Variants in PRKAG2 observed in about 807,000 individuals in gnomAD.
PRKAG2 encodes protein kinase AMP-activated non-catalytic subunit gamma 2.
A neutral mutation model predicts 69.6 loss-of-function variants in PRKAG2; 26 were observed. That is an observed-to-expected ratio of 0.37 (90% confidence interval 0.27 to 0.52). The LOEUF (loss-of-function observed/expected upper bound fraction) is 0.52, where lower values mean the gene tolerates loss of function less well. PRKAG2 is among the 20% of genes least tolerant of loss of function. The pLI is 0.90. For missense variants in PRKAG2, 557 were observed against 740.0 expected, an observed-to-expected ratio of 0.75 and a Z score of 2.87; for synonymous variants, 293 against 285.0, an observed-to-expected ratio of 1.03 and a Z score of -0.28.
At chr7:151,634,697 A>G (rs191879266) in intron 4 of PRKAG2, among the ~76,000 whole-genome samples, 2 of 152,388 alleles carry the variant, frequency 1.3e-5, no homozygotes, top group East Asian at 3.9e-4. Flanking sequence ...ATTAGAACAT[A>G]GGCAAATGAC....
At chr7:151,694,382 C>T (rs181504553) in intron 3 of PRKAG2, among the ~76,000 whole-genome samples, 62 of 152,334 alleles carry the variant, frequency 4.1e-4, no homozygotes, top group East Asian at 2.5e-3. Context: ...TGTGCAGCCC[C>T]CACCACCACC....
intron 5 of PRKAG2, among the ~76,000 whole-genome samples, chr7:151,598,841 T>C (rs1324822896): frequency 6.7e-6 from 1 of 149,346 alleles, no homozygotes; most frequent in Non-Finnish European, 1.5e-5. Flanking sequence ...TAATTGACAA[T>C]TTATTTTTTT....
At position 151,843,057 on chromosome 7, in the gene PRKAG2, C is replaced by T. The variant is rs139320340; in HGVS notation, c.114+33450G>A. Among the ~76,000 whole-genome samples the T allele has an allele frequency of 9.9e-5, 15 of 152,160 alleles. No homozygotes were observed. The East Asian group carries it at 2.9e-3, about 29-fold the overall frequency. ...CAGGCATTTGAAAGACACACATACA[C>T]GCAGGCCATGCTTTTAGTCATGCAA... On this transcript the variant is annotated intron_variant, in intron 1 of 15. Coordinates refer to ENST00000287878, the MANE Select transcript of PRKAG2 (RefSeq NM_016203.4).
At chr7:151,587,093 A>G (rs1023732951) in intron 6 of PRKAG2, among the ~76,000 whole-genome samples, 1 of 152,178 alleles carries the variant, frequency 6.6e-6, no homozygotes, top group African/African-American at 2.4e-5. Context: ...GTGAGCCGAG[A>G]TTGCGCCACT....
chr7:151,833,888 A>C (rs957002061), intron 1 of PRKAG2, among the ~76,000 whole-genome samples: 1 of 152,218 alleles, frequency 6.6e-6, no homozygotes, highest in Non-Finnish European at 1.5e-5. Context: ...ACACAAGCAC[A>C]CTGCCCCCGC....
chr7:151,587,623 G>T (rs6974777), intron 6 of PRKAG2, among the ~76,000 whole-genome samples: 27,299 of 152,028 alleles, frequency 0.18, 2,884 homozygotes, highest in African/African-American at 0.29. Context: ...AAAGCCACAT[G>T]CCCAGTCTAA....
At chr7:151,636,705 TA>T (rs60820192) in intron 4 of PRKAG2, among the ~76,000 whole-genome samples, 21,352 of 151,906 alleles carry the variant, frequency 0.14, 1,821 homozygotes, top group African/African-American at 0.22. Flanking sequence ...AATATATATA[TA>T]TTTTAAATTT....
rs373680604 is a variant in PRKAG2, at chr7:151,731,284, G to A, written c.466+49868C>T. 1.4e-3 allele frequency among the ~76,000 whole-genome samples: 214 copies of A among 152,366 alleles called. 2 individuals are homozygous for A. The highest frequency in any genetic ancestry group is 4.0e-3 in the African/African-American group (168 of 41,586). On this transcript the variant is annotated intron_variant, in intron 3 of 15. Transcript: ENST00000287878. ...CTGGAGCCTGAAAGCTGGAGAGGTG[G>A]GGAGCTTCCCTTCTGTGCCAGACAT...
chr7:151,702,212 G>C (rs1837831842), intron 3 of PRKAG2, among the ~76,000 whole-genome samples: 1 of 152,210 alleles, frequency 6.6e-6, no homozygotes, highest in South Asian at 2.1e-4. Flanking sequence ...AAGAAGCAAA[G>C]GTTAAAAGTT....
chr7:151,721,446 T>A (rs1326298604), intron 3 of PRKAG2, among the ~76,000 whole-genome samples: 1 of 151,920 alleles, frequency 6.6e-6, no homozygotes, highest in African/African-American at 2.4e-5. Context: ...CCAGCTGGGG[T>A]GCCTGAGGGC....
chr7:151,653,738 A>G (rs1470131859), intron 4 of PRKAG2, among the ~76,000 whole-genome samples: 1 of 152,188 alleles, frequency 6.6e-6, no homozygotes. Context: ...GCTACTTGGG[A>G]GGCTGAGGCA....
intron 6 of PRKAG2, among the ~76,000 whole-genome samples, chr7:151,589,309 G>A (rs1042712548): frequency 3.9e-5 from 6 of 152,308 alleles, no homozygotes; most frequent in African/African-American, 1.4e-4. Context: ...GCACCAGCTA[G>A]AAGGCACGCG....
At chr7:151,790,934 A>G (rs1215407061) in intron 1 of PRKAG2, among the ~76,000 whole-genome samples, 4 of 152,232 alleles carry the variant, frequency 2.6e-5, no homozygotes, top group Non-Finnish European at 5.9e-5. Flanking sequence ...CTGCTAGCTC[A>G]GGCTGCCCGT....
chr7:151,742,628 A>C (rs1032260618), intron 3 of PRKAG2, among the ~76,000 whole-genome samples: 3 of 148,848 alleles, frequency 2.0e-5, no homozygotes, highest in African/African-American at 7.6e-5. Flanking sequence ...CATCTCACAA[A>C]AAAAAAAAAA....
intron 1 of PRKAG2, among the ~76,000 whole-genome samples, chr7:151,855,306 A>C (rs2079718097): frequency 9.7e-5 from 1 of 10,290 alleles, no homozygotes; most frequent in Non-Finnish European, 1.5e-4. Context: ...ACCACCCTCC[A>C]CACACACCAC....
intron 3 of PRKAG2, among the ~76,000 whole-genome samples, chr7:151,695,440 G>A (rs1336755698): frequency 1.3e-5 from 2 of 152,140 alleles, no homozygotes; most frequent in Non-Finnish European, 2.9e-5. Context: ...CCAGCCAGAA[G>A]TAGGCATTTG....
rs1025964793 is a variant in PRKAG2 at position 151,807,980 on chromosome 7, C to T, written c.115-21439G>A. The stretch of plus-strand genomic sequence containing the variant: ...TAAAGGCATAGTTTCGTAACCCCTC[C>T]CTACAAACTACCCCCTTTCCCTCTG... On this transcript the variant is annotated intron_variant, in intron 1 of 15. Transcript: ENST00000287878. This position sits in a 1 kb window ranked among gnomAD's most constrained non-coding sequence, Gnocchi z 4.4. 6.6e-6 allele frequency among the ~76,000 whole-genome samples: 1 copy of T among 152,132 alleles called. No homozygotes were observed. Among genetic ancestry groups the T allele is most frequent in the Non-Finnish European group, 1.5e-5 (1 of 68,028 alleles).
At chr7:151,740,468 C>A (rs879506392) in intron 3 of PRKAG2, among the ~76,000 whole-genome samples, 8 of 152,208 alleles carry the variant, frequency 5.3e-5, no homozygotes, top group Non-Finnish European at 8.8e-5. Context: ...GCAGCCTGCC[C>A]ACACCTTTGA....
chr7:151,868,377 G>A (rs2080130282), intron 1 of PRKAG2, among the ~76,000 whole-genome samples: 2 of 152,320 alleles, frequency 1.3e-5, no homozygotes, highest in South Asian at 2.1e-4. Flanking sequence ...CATGCAATGA[G>A]TAACAGTGGG....
Sources: gnomAD v4.1 joint callset for allele counts (sites outside exome capture counted in the v4.1 genomes callset) on GRCh38, gnomAD v4.1.1 for gene constraint, Gnocchi (gnomAD v3.1) non-coding constraint, MANE v1.5 for transcripts, NCBI Gene and HGNC (gene_info 2026-07-23, HGNC 2026-07-21) for gene names.